The following THRB variants were observed in gnomAD, a reference collection of about 807,000 sequenced individuals.
THRB encodes thyroid hormone receptor beta.
In THRB, 12 loss-of-function variants were observed where a neutral mutation model predicts 47.8. The ratio of observed to expected loss-of-function variants is 0.25; its 90% CI spans 0.16 to 0.41. The LOEUF (loss-of-function observed/expected upper bound fraction) is 0.41, where lower values mean the gene tolerates loss of function less well. Ranked by LOEUF, THRB falls within the 10% of genes least tolerant of loss-of-function variation. The pLI, the probability that THRB is intolerant of heterozygous loss-of-function variation, is 1.00. For synonymous variants in THRB, 218 were observed against 212.2 expected, an observed-to-expected ratio of 1.03 and a Z score of -0.24; for missense variants, 348 against 589.2, an observed-to-expected ratio of 0.59 and a Z score of 4.24.
At chr3:24,444,379 T>C (rs2071855412) in intron 1 of THRB, among the ~76,000 whole-genome samples, 2 of 152,082 alleles carry the variant, frequency 1.3e-5, no homozygotes, top group South Asian at 4.1e-4. Flanking sequence ...AACCACCAAT[T>C]AGAAAACAGT....
At chr3:24,435,865 G>T (rs1257882607) in intron 1 of THRB, among the ~76,000 whole-genome samples, 1 of 152,160 alleles carries the variant, frequency 6.6e-6, no homozygotes, top group Non-Finnish European at 1.5e-5. Flanking sequence ...AAGAATAGAT[G>T]ATTAGGCCTC....
intron 1 of THRB, among the ~76,000 whole-genome samples, chr3:24,343,857 C>G (rs904259926): frequency 6.7e-6 from 1 of 148,496 alleles, no homozygotes; most frequent in Non-Finnish European, 1.5e-5. Flanking sequence ...AGATCTAGTA[C>G]CAGTGAATGG....
At chr3:24,180,880 C>G (rs559967595) in intron 5 of THRB, among the ~76,000 whole-genome samples, 23 of 152,270 alleles carry the variant, frequency 1.5e-4, no homozygotes, top group African/African-American at 5.5e-4. Context: ...CGCTGCATCT[C>G]CAGGAGTACT....
chr3:24,281,136 C>T (rs1288077939), intron 3 of THRB, among the ~76,000 whole-genome samples: 2 of 152,122 alleles, frequency 1.3e-5, no homozygotes, highest in Non-Finnish European at 2.9e-5. Context: ...ACATAATTGT[C>T]AGATTCACCA....
chr3:24,492,343 G>A (rs1432709663), intron 1 of THRB, among the ~76,000 whole-genome samples: 1 of 152,056 alleles, frequency 6.6e-6, no homozygotes, highest in Admixed American at 6.5e-5. Context: ...ATACAATAAA[G>A]GAAAGAAAAA....
intron 3 of THRB, among the ~76,000 whole-genome samples, chr3:24,248,023 ATTAC>A (rs1199266252): frequency 7.9e-5 from 12 of 152,146 alleles, no homozygotes; most frequent in Non-Finnish European, 4.4e-5. Context: ...AGTGAGACAC[ATTAC>A]TTAAGTGGCA....
At chr3:24,226,445 T>C (rs2047662071) in intron 4 of THRB, among the ~76,000 whole-genome samples, 1 of 152,220 alleles carries the variant, frequency 6.6e-6, no homozygotes, top group Non-Finnish European at 1.5e-5. Context: ...ACGTATACTG[T>C]ACATGTATGT....
chr3:24,400,552 T>C (rs2067309664), intron 1 of THRB, among the ~76,000 whole-genome samples: 1 of 151,902 alleles, frequency 6.6e-6, no homozygotes, highest in Non-Finnish European at 1.5e-5. Flanking sequence ...AGACTGGCAA[T>C]AGCATGATGC....
At chr3:24,453,256 A>G (rs2072844896) in intron 1 of THRB, among the ~76,000 whole-genome samples, 1 of 152,254 alleles carries the variant, frequency 6.6e-6, no homozygotes, top group African/African-American at 2.4e-5. Context: ...ATGCATATAC[A>G]GCATTATTAA....
At chr3:24,365,769 T>C (rs2064411796) in intron 1 of THRB, among the ~76,000 whole-genome samples, 1 of 152,202 alleles carries the variant, frequency 6.6e-6, no homozygotes, top group Non-Finnish European at 1.5e-5. Context: ...GTATACCTTA[T>C]AATTCTTATG....
At chr3:24,127,331 G>GC (rs935177884) in intron 10 of THRB, among the ~76,000 whole-genome samples, 168 bp downstream of exon 10, 4 of 152,158 alleles carry the variant, frequency 2.6e-5, no homozygotes, top group Non-Finnish European at 4.4e-5. Context: ...GACATCTGAC[G>GC]CCCCCCCTTT....
At chr3:24,430,380 A>G (rs1261827189) in intron 1 of THRB, among the ~76,000 whole-genome samples, 4 of 152,132 alleles carry the variant, frequency 2.6e-5, no homozygotes, top group Admixed American at 6.6e-5. Flanking sequence ...GGGAACTCAT[A>G]GACTGCTCAG....
chr3:24,276,795 G>A (rs949649477), intron 3 of THRB, among the ~76,000 whole-genome samples: 3 of 152,244 alleles, frequency 2.0e-5, no homozygotes, highest in Admixed American at 2.0e-4. Context: ...GGAGTGGGTA[G>A]GGGAGGGAAA....
At chr3:24,214,585 A>G (rs745893169) in intron 4 of THRB, among the ~76,000 whole-genome samples, 1 of 152,238 alleles carries the variant, frequency 6.6e-6, no homozygotes, top group Non-Finnish European at 1.5e-5. Context: ...CCCAAAGACC[A>G]AGGCTGCATC....
At chr3:24,205,759 T>A (rs2045264212) in intron 4 of THRB, among the ~76,000 whole-genome samples, 2 of 152,154 alleles carry the variant, frequency 1.3e-5, no homozygotes, top group African/African-American at 4.8e-5. Context: ...GAAACCCATC[T>A]CATGTGCAGA....
In THRB at chr3:24,345,776, C is replaced by T. The variant is rs372414386; in HGVS notation, c.-260-8405G>A. Among the ~76,000 whole-genome samples, 7 of 152,178 alleles carry T rather than the reference C, an allele frequency of 4.6e-5. No individual in the cohort carries two copies. The South Asian group carries it at 1.2e-3, about 27-fold the overall frequency. Reference sequence around the variant, plus strand: ...GGTTCTAAGTGCCCCTAGAGTTATGCTCCACATTTAAAGTGTCAAACTGGG... The same window carrying T: ...GGTTCTAAGTGCCCCTAGAGTTATGTTCCACATTTAAAGTGTCAAACTGGG... On this transcript the variant is annotated intron_variant, in intron 1 of 10. Coordinates refer to ENST00000646209, the MANE Select transcript of THRB (RefSeq NM_001354712.2).
rs527431704 is a variant in THRB, at chr3:24,398,913, T to C, written c.-260-61542A>G. ...CTATGCAGCCATAAAAAATGATGAG[T>C]TCATGTCCTTTGTAGGGAGATGGAT... On this transcript the variant is annotated intron_variant, in intron 1 of 10. Coordinates refer to ENST00000646209, the MANE Select transcript of THRB (RefSeq NM_001354712.2). Among the ~76,000 whole-genome samples the C allele has an allele frequency of 2.0e-3, 306 of 152,034 alleles. 2 individuals are homozygous for C. The highest frequency in any genetic ancestry group is 0.014 in the Middle Eastern group (4 of 294).
chr3:24,355,457 T>G (rs902036152), intron 1 of THRB, among the ~76,000 whole-genome samples: 1 of 152,184 alleles, frequency 6.6e-6, no homozygotes, highest in Non-Finnish European at 1.5e-5. Flanking sequence ...GGACAAAATT[T>G]GAACAGAGGA....
intron 2 of THRB, among the ~76,000 whole-genome samples, chr3:24,302,049 T>C (rs528470974): frequency 6.6e-6 from 1 of 152,196 alleles, no homozygotes; most frequent in Non-Finnish European, 1.5e-5. Context: ...AGGCCCTAAC[T>C]TGGTGTTGGC....
Sources: allele counts gnomAD v4.1 joint callset (sites outside exome capture counted in the v4.1 genomes callset), GRCh38; gene constraint gnomAD v4.1.1; transcripts MANE v1.5; gene names NCBI Gene and HGNC (gene_info 2026-07-23, HGNC 2026-07-21).